LEF1: variants seen among roughly 807,000 people sequenced by gnomAD.
LEF1 encodes the protein lymphoid enhancer-binding factor 1.
In LEF1, 14 loss-of-function variants were observed where a neutral mutation model predicts 51.2. The ratio of observed to expected loss-of-function variants is 0.27; its 90% CI spans 0.18 to 0.43. LEF1 has a LOEUF of 0.43. LEF1 is among the 20% of genes least tolerant of loss of function. The probability of loss-of-function intolerance (pLI) is 1.00; values close to 1 mark genes in which losing one functional copy is unlikely to be tolerated. For missense variants in LEF1, 386 were observed against 512.0 expected, an observed-to-expected ratio of 0.75 and a Z score of 2.37; for synonymous variants, 185 against 183.2, an observed-to-expected ratio of 1.01 and a Z score of -0.08.
intron 3 of LEF1, among the ~76,000 whole-genome samples, chr4:108,130,479 T>C (rs529910804): frequency 6.6e-6 from 1 of 150,656 alleles, no homozygotes. Flanking sequence ...TAGCACTTTG[T>C]GAGGCTAAGG....
At chr4:108,114,271 G>C (rs1741706801) in intron 3 of LEF1, among the ~76,000 whole-genome samples, 1 of 152,136 alleles carries the variant, frequency 6.6e-6, no homozygotes, top group Admixed American at 6.5e-5. Context: ...AGTATTATCA[G>C]AGTCAAGTAA....
At chr4:108,110,575 C>T (rs1179020616) in intron 3 of LEF1, among the ~76,000 whole-genome samples, 1 of 152,206 alleles carries the variant, frequency 6.6e-6, no homozygotes, top group African/African-American at 2.4e-5. Context: ...AATGGTATCA[C>T]TGCTTCTCTC....
At chr4:108,063,557 T>C (rs538908465) in intron 11 of LEF1, 66 bp downstream of exon 11, 4 of 1,239,052 alleles carry the variant, frequency 3.2e-6, no homozygotes, top group South Asian at 2.6e-5. Context: ...AGCAAGAAGA[T>C]TCACAAGCAA....
At chr4:108,084,484 A>G (rs1739514500) in intron 4 of LEF1, among the ~76,000 whole-genome samples, 1 of 152,220 alleles carries the variant, frequency 6.6e-6, no homozygotes, top group Admixed American at 6.5e-5. Context: ...GCTTTTTACT[A>G]TTTAAAGTGC....
At chr4:108,051,188 A>C (rs1736966231) in intron 11 of LEF1, among the ~76,000 whole-genome samples, 1 of 152,128 alleles carries the variant, frequency 6.6e-6, no homozygotes, top group Non-Finnish European at 1.5e-5. Context: ...ATTCTCCTGG[A>C]AAGTTGGCTT....
At chr4:108,111,617 G>A (rs184819812) in intron 3 of LEF1, among the ~76,000 whole-genome samples, 2 of 152,250 alleles carry the variant, frequency 1.3e-5, no homozygotes, top group East Asian at 3.9e-4. Flanking sequence ...GGCAAGAAAG[G>A]TGCTGGCATA....
intron 3 of LEF1, among the ~76,000 whole-genome samples, chr4:108,092,939 A>AACAAAAAAAAAAAAAAAAAAAAAAAAAAC (rs1553952203): frequency 1.1e-5 from 1 of 90,670 alleles, no homozygotes; most frequent in African/African-American, 3.7e-5. Context: ...AAAAAAAAAA[A>AACAAAAAAAAAAAAAAAAAAAAAAAAAAC]AAAAAAAAAA....
chr4:108,050,041 C>A (rs1050877102), intron 11 of LEF1, among the ~76,000 whole-genome samples: 1 of 152,204 alleles, frequency 6.6e-6, no homozygotes, highest in Non-Finnish European at 1.5e-5. Context: ...CCCAATGCGG[C>A]CCCTAAAGAT....
intron 3 of LEF1, among the ~76,000 whole-genome samples, chr4:108,136,313 A>G (rs1027891628): frequency 3.9e-5 from 6 of 152,190 alleles, no homozygotes; most frequent in African/African-American, 1.2e-4. Flanking sequence ...TTGTCCTTCT[A>G]CTATATGCGT....
At chr4:108,071,928 A>C (rs1250918163) in intron 8 of LEF1, 1 of 152,382 alleles carries the variant, frequency 6.6e-6, no homozygotes, top group African/African-American at 2.4e-5. Context: ...CCACATGCAT[A>C]ACACACATGC....
intron 2 of LEF1, 134 bp from the exon 3 acceptor site, chr4:108,163,835 T>C: frequency 1.2e-6 from 1 of 851,788 alleles, no homozygotes; most frequent in Non-Finnish European, 1.8e-6. Flanking sequence ...ATACTGTAAC[T>C]GGATTATTAT....
chr4:108,095,752 A>C (rs1471336132), intron 3 of LEF1, among the ~76,000 whole-genome samples: 1 of 152,140 alleles, frequency 6.6e-6, no homozygotes, highest in African/African-American at 2.4e-5. Flanking sequence ...AGCCATACCT[A>C]AGTTAGGTGT....
intron 3 of LEF1, among the ~76,000 whole-genome samples, chr4:108,089,769 T>G (rs542865394): frequency 3.4e-4 from 52 of 152,318 alleles, no homozygotes; most frequent in Admixed American, 1.7e-3. Flanking sequence ...CCTATACTGA[T>G]ATCCCCTCAG....
chr4:108,144,918 T>C (rs1042325245), intron 3 of LEF1, among the ~76,000 whole-genome samples: 3 of 116,890 alleles, frequency 2.6e-5, no homozygotes, highest in Admixed American at 9.1e-5. Flanking sequence ...TACTGCATAA[T>C]CTGCAGGTTT....
intron 11 of LEF1, among the ~76,000 whole-genome samples, chr4:108,057,264 T>TA (rs1296169488): frequency 6.6e-6 from 1 of 152,132 alleles, no homozygotes; most frequent in Non-Finnish European, 1.5e-5. Flanking sequence ...GGACAAGACT[T>TA]AAGAGTTCTT....
chr4:108,167,023 C>G lies in LEF1; in HGVS notation c.213+532G>C, dbSNP rs1156631977. 1.3e-5 allele frequency among the ~76,000 whole-genome samples: 2 copies of G among 152,098 alleles called. No individual in the cohort carries two copies. The highest frequency in any genetic ancestry group is 2.9e-5 in the Non-Finnish European group (2 of 67,984). ...CGGCCCGGCTCACCGGTGGTAGGGA[C>G]GGCCCCGCCTGCCCCAGCCCACGCC... On this transcript the variant is annotated intron_variant, in intron 1 of 11. Transcript: ENST00000265165. This position sits in a 1 kb window ranked among gnomAD's most constrained non-coding sequence, Gnocchi z 5.7.
At chr4:108,057,150 G>C (rs1351539402) in intron 11 of LEF1, among the ~76,000 whole-genome samples, 1 of 152,008 alleles carries the variant, frequency 6.6e-6, no homozygotes, top group Non-Finnish European at 1.5e-5. Context: ...AACAATTCTA[G>C]CTGAGGTGCT....
intron 3 of LEF1, among the ~76,000 whole-genome samples, chr4:108,126,676 T>C (rs568697927): frequency 3.2e-4 from 49 of 151,840 alleles, no homozygotes; most frequent in African/African-American, 1.1e-3. Context: ...TGATGGTGCA[T>C]GCCTGTAGTT....
chr4:108,047,661 C>T lies in LEF1; in HGVS notation c.*1097G>A, dbSNP rs1736703934. On this transcript the variant is annotated 3_prime_UTR_variant, in exon 12 of 12. Transcript: ENST00000265165. The stretch of plus-strand genomic sequence containing the variant: ...TGACAGTTTTGGGCAAAGGCTGTGC[C>T]TTGCTTTTTTAAAAAATGGGTACAT... 1 of 152,624 alleles carries T rather than the reference C, an allele frequency of 6.6e-6. No homozygotes were observed. 9.5% of individuals were successfully genotyped at this position (152,624 alleles called of 1,614,324 possible).
Sources: gnomAD v4.1 joint callset for allele counts (sites outside exome capture counted in the v4.1 genomes callset) on GRCh38, gnomAD v4.1.1 for gene constraint, Gnocchi (gnomAD v3.1) non-coding constraint, MANE v1.5 for transcripts, NCBI Gene and HGNC (gene_info 2026-07-23, HGNC 2026-07-21) for gene names.